The following SLC4A10 variants were observed in gnomAD, a reference collection of about 807,000 sequenced individuals.
SLC4A10 encodes the protein sodium-driven chloride bicarbonate exchanger.
A neutral mutation model predicts 137.7 loss-of-function variants in SLC4A10; 42 were observed. The observed-to-expected ratio is 0.30, with a 90% CI of 0.24 to 0.39. The LOEUF (loss-of-function observed/expected upper bound fraction) is 0.39. SLC4A10 is among the 10% of genes least tolerant of loss of function. The pLI, the probability that SLC4A10 is intolerant of heterozygous loss-of-function variation, is 1.00. For missense variants in SLC4A10, 925 were observed against 1,355.0 expected, an observed-to-expected ratio of 0.68 and a Z score of 4.98; for synonymous variants, 474 against 464.1, an observed-to-expected ratio of 1.02 and a Z score of -0.27.
At chr2:161,819,942 A>G (rs1159875203) in intron 3 of SLC4A10, among the ~76,000 whole-genome samples, 1 of 152,232 alleles carries the variant, frequency 6.6e-6, no homozygotes, top group African/African-American at 2.4e-5. Flanking sequence ...GATGAGGGAA[A>G]TTTGTAACAC....
intron 15 of SLC4A10, among the ~76,000 whole-genome samples, chr2:161,918,146 GT>G (rs1440814323): frequency 6.6e-6 from 1 of 151,998 alleles, no homozygotes; most frequent in Non-Finnish European, 1.5e-5. Flanking sequence ...TGTTTTTGTT[GT>G]TTGTTTTGTT....
intron 3 of SLC4A10, among the ~76,000 whole-genome samples, chr2:161,817,761 G>C (rs558568607): frequency 3.1e-4 from 47 of 151,990 alleles, no homozygotes; most frequent in Admixed American, 1.0e-3. Context: ...GCTTGTTTTT[G>C]TCAGGTTTGT....
intron 15 of SLC4A10, among the ~76,000 whole-genome samples, chr2:161,933,648 G>A (rs1691028732): frequency 6.6e-6 from 1 of 152,136 alleles, no homozygotes; most frequent in Non-Finnish European, 1.5e-5. Flanking sequence ...TCCTGCCTTG[G>A]CCTCCCAAAA....
chr2:161,751,450 C>A (rs865781629), intron 1 of SLC4A10, among the ~76,000 whole-genome samples: 1 of 150,264 alleles, frequency 6.7e-6, no homozygotes, highest in Non-Finnish European at 1.5e-5. Context: ...ATAGTACTTA[C>A]ATGAAATATT....
At chr2:161,964,016 C>T in intron 21 of SLC4A10, 119 bp from the exon 22 acceptor site, 2 of 714,140 alleles carry the variant, frequency 2.8e-6, no homozygotes, top group Non-Finnish European at 4.5e-6. Flanking sequence ...GAGATATCAA[C>T]TTAGTGTTAT....
intron 1 of SLC4A10, among the ~76,000 whole-genome samples, chr2:161,625,162 G>A (rs1458382347): frequency 1.3e-5 from 2 of 151,404 alleles, no homozygotes; most frequent in Non-Finnish European, 2.9e-5. Flanking sequence ...TACAAAGAAG[G>A]TATGCATTTT....
chr2:161,886,149 T>C (rs1049554194), intron 10 of SLC4A10, among the ~76,000 whole-genome samples: 8 of 152,120 alleles, frequency 5.3e-5, no homozygotes, highest in African/African-American at 1.9e-4. Flanking sequence ...TTAACATAAA[T>C]AATACATTTT....
intron 1 of SLC4A10, among the ~76,000 whole-genome samples, chr2:161,701,471 G>A (rs1468850560): frequency 1.3e-5 from 2 of 151,812 alleles, no homozygotes; most frequent in African/African-American, 2.4e-5. Context: ...GTTGTACATA[G>A]TTTGGGATAT....
At chr2:161,891,133 T>G (rs1276952487) in intron 10 of SLC4A10, among the ~76,000 whole-genome samples, 1 of 152,192 alleles carries the variant, frequency 6.6e-6, no homozygotes. Flanking sequence ...CCCACTCTCT[T>G]CTGGCATGTT....
intron 15 of SLC4A10, among the ~76,000 whole-genome samples, chr2:161,907,196 A>G (rs62188822): frequency 6.6e-6 from 1 of 152,236 alleles, no homozygotes; most frequent in Admixed American, 6.5e-5. Context: ...AAGAAAAATC[A>G]AAGTGGAAAT....
chr2:161,972,094 AAC>A (rs780787793), intron 23 of SLC4A10, among the ~76,000 whole-genome samples: 3 of 152,124 alleles, frequency 2.0e-5, no homozygotes, highest in Non-Finnish European at 4.4e-5. Context: ...CTCTTTCTTA[AAC>A]CATTCTACCT....
Position 161,724,887 on chromosome 2 carries a change from C to T in SLC4A10, c.49-46086C>T, listed in dbSNP as rs140717470. Among the ~76,000 whole-genome samples the T allele has an allele frequency of 5.3e-5, 8 of 152,188 alleles. No individual in the cohort carries two copies. In the East Asian group the frequency reaches 1.4e-3, roughly 26 times the overall value. On this transcript the variant is annotated intron_variant, in intron 1 of 26. Transcript: ENST00000446997. ...ATGTTTTTCTGGATTCCAGGATTTA[C>T]CTTAGTTGAAGCACCATATATGCAT... is the stretch of plus-strand genomic sequence containing the variant.
intron 9 of SLC4A10, among the ~76,000 whole-genome samples, chr2:161,881,133 G>A (rs1036261796): frequency 6.6e-6 from 1 of 151,944 alleles, no homozygotes; most frequent in Non-Finnish European, 1.5e-5. Context: ...AGCCATTCAG[G>A]GTTTCTTATT....
intron 1 of SLC4A10, among the ~76,000 whole-genome samples, chr2:161,705,821 C>G (rs1478401680): frequency 6.6e-6 from 1 of 151,496 alleles, no homozygotes; most frequent in Non-Finnish European, 1.5e-5. Flanking sequence ...TCTTTTGGCT[C>G]TCTCTTCATT....
chr2:161,949,020 A>G, intron 17 of SLC4A10, 128 bp from the exon 18 acceptor site: 2 of 568,502 alleles, frequency 3.5e-6, no homozygotes, highest in Non-Finnish European at 3.1e-6. Context: ...ATCTTATAGT[A>G]TGCATAAAAT....
intron 3 of SLC4A10, among the ~76,000 whole-genome samples, chr2:161,830,095 G>A (rs962532615): frequency 1.3e-5 from 2 of 150,222 alleles, no homozygotes; most frequent in African/African-American, 2.5e-5. Flanking sequence ...TTTAAAAATT[G>A]ACATAAGTGT....
intron 23 of SLC4A10, among the ~76,000 whole-genome samples, chr2:161,967,832 T>C (rs1185594274): frequency 6.6e-6 from 1 of 152,186 alleles, no homozygotes; most frequent in Non-Finnish European, 1.5e-5. Context: ...TATTTATTCT[T>C]AATGTCACAG....
chr2:161,703,972 T>C (rs1051885173), intron 1 of SLC4A10, among the ~76,000 whole-genome samples: 1 of 151,684 alleles, frequency 6.6e-6, no homozygotes, highest in African/African-American at 2.4e-5. Context: ...AGCTTTGCTG[T>C]ACATTATACA....
In SLC4A10 at chr2:161,755,210, T is replaced by G. The variant is rs79998145; in HGVS notation, c.49-15763T>G. On this transcript the variant is annotated intron_variant, in intron 1 of 26. Coordinates refer to ENST00000446997, the MANE Select transcript of SLC4A10 (RefSeq NM_001178015.2). ...AATTTCTTCCAGATCTTTCCTCTAA[T>G]TCTTCTTTGCTGTCATTATGGGCTT... is the stretch of plus-strand genomic sequence containing the variant. 5.7e-3 allele frequency among the ~76,000 whole-genome samples: 868 copies of G among 152,330 alleles called. 26 individuals are homozygous for G. Among genetic ancestry groups the G allele is most frequent in the East Asian group, 0.048 (248 of 5,186 alleles).
Sources: allele counts gnomAD v4.1 joint callset (sites outside exome capture counted in the v4.1 genomes callset), GRCh38; gene constraint gnomAD v4.1.1; transcripts MANE v1.5; gene names NCBI Gene and HGNC (gene_info 2026-07-23, HGNC 2026-07-21).